Variants in RUNX1T1 observed in about 807,000 individuals in gnomAD.
The protein encoded by RUNX1T1 is protein CBFA2T1.
RUNX1T1 carries 4 observed loss-of-function variants against 62.8 expected under a neutral mutation model. That is an observed-to-expected ratio of 0.06 (90% CI 0.03 to 0.15). RUNX1T1 has a LOEUF of 0.15. Among genes scored for constraint, RUNX1T1 ranks in the 10% least tolerant of loss-of-function variants. RUNX1T1 has a pLI of 1.00. For missense variants in RUNX1T1, 508 were observed against 754.3 expected (o/e 0.67, Z 3.82); for synonymous variants, 291 against 286.0 (o/e 1.02, Z -0.18).
At chr8:92,052,752 G>T (rs1192198601) in intron 1 of RUNX1T1, among the ~76,000 whole-genome samples, 1 of 152,178 alleles carries the variant, frequency 6.6e-6, no homozygotes, top group East Asian at 1.9e-4. Context: ...CAGAGAATTT[G>T]TATTTCCAAC....
chr8:91,967,394 C>T (rs1563619345), intron 10 of RUNX1T1, among the ~76,000 whole-genome samples: 1 of 151,426 alleles, frequency 6.6e-6, no homozygotes, highest in South Asian at 2.1e-4. Flanking sequence ...CGCCCACCTA[C>T]AAATAATATC....
At chr8:92,094,581 C>T (rs993828562) in intron 1 of RUNX1T1, among the ~76,000 whole-genome samples, 3 of 152,112 alleles carry the variant, frequency 2.0e-5, no homozygotes, top group Non-Finnish European at 4.4e-5. Flanking sequence ...CTTACTCATT[C>T]AAGTACCGTC....
intron 1 of RUNX1T1, among the ~76,000 whole-genome samples, chr8:92,048,538 T>C (rs1228224428): frequency 6.6e-6 from 1 of 151,768 alleles, no homozygotes; most frequent in African/African-American, 2.4e-5. Flanking sequence ...TTTAAATATA[T>C]AGTACAACAT....
intron 5 of RUNX1T1, among the ~76,000 whole-genome samples, chr8:92,000,952 TG>T (rs1819639802): frequency 6.6e-6 from 1 of 152,224 alleles, no homozygotes; most frequent in South Asian, 2.1e-4. Flanking sequence ...ATTTCAAGTA[TG>T]CAAATATGCT....
At chr8:92,048,399 C>A (rs189017759) in intron 1 of RUNX1T1, among the ~76,000 whole-genome samples, 1 of 152,042 alleles carries the variant, frequency 6.6e-6, no homozygotes, top group South Asian at 2.1e-4. Flanking sequence ...TTACAACTGG[C>A]GGGGTATGGT....
chr8:91,973,255 T>C (rs557501951), intron 9 of RUNX1T1, among the ~76,000 whole-genome samples: 1 of 151,916 alleles, frequency 6.6e-6, no homozygotes, highest in South Asian at 2.1e-4. Flanking sequence ...TATATATATA[T>C]TTAAGAGAAA....
intron 10 of RUNX1T1, among the ~76,000 whole-genome samples, chr8:91,966,920 A>G (rs952577947): frequency 6.6e-6 from 1 of 152,140 alleles, no homozygotes; most frequent in African/African-American, 2.4e-5. Context: ...CACAATTAGG[A>G]AAAAACAAAC....
chr8:92,062,737 G>C, exon 1 of RUNX1T1: 3 of 1,576,362 alleles, frequency 1.9e-6, no homozygotes, highest in Non-Finnish European at 2.6e-6. Flanking sequence ...ATGGAGAGCT[G>C]ACACTCCGGA....
upstream of RUNX1T1, among the ~76,000 whole-genome samples, chr8:92,067,437 T>G (rs1449735645): frequency 6.6e-6 from 1 of 152,192 alleles, no homozygotes; most frequent in Non-Finnish European, 1.5e-5. Context: ...CACTTTGATT[T>G]TTGCATCTCC....
At chr8:92,063,050 A>AAGG (rs1832327980), upstream of RUNX1T1, 1 of 744,334 alleles carries the variant, frequency 1.3e-6, no homozygotes, top group Admixed American at 5.3e-5. Flanking sequence ...CCTCACAATA[A>AAGG]AAGGCTTCCC....
chr8:92,036,498 T>G (rs1321089245), intron 1 of RUNX1T1, among the ~76,000 whole-genome samples: 1 of 152,202 alleles, frequency 6.6e-6, no homozygotes, highest in Non-Finnish European at 1.5e-5. Flanking sequence ...AGAAGACCAC[T>G]GTGATCGTCA....
chr8:92,084,143 T>C (rs775538939), intron 1 of RUNX1T1, among the ~76,000 whole-genome samples: 33 of 152,068 alleles, frequency 2.2e-4, no homozygotes, highest in Non-Finnish European at 4.7e-4. Flanking sequence ...AAACACCTCA[T>C]GTAGATGACA....
intron 6 of RUNX1T1, 98 bp from the exon 8 acceptor site, chr8:91,987,070 TA>T (rs1816726390): frequency 7.6e-6 from 6 of 787,072 alleles, no homozygotes; most frequent in Middle Eastern, 2.3e-4. Context: ...AAACTCGATG[TA>T]AAAATACGTT....
chr8:92,012,765 A>T (rs777239726), intron 3 of RUNX1T1, among the ~76,000 whole-genome samples: 58 of 151,746 alleles, frequency 3.8e-4, no homozygotes, highest in Non-Finnish European at 7.5e-4. Context: ...AAAAAAAAAA[A>T]ATCACTCTCT....
intron 1 of RUNX1T1, among the ~76,000 whole-genome samples, chr8:92,089,424 C>T (rs1836630788): frequency 6.6e-6 from 1 of 151,990 alleles, no homozygotes; most frequent in African/African-American, 2.4e-5. Flanking sequence ...GATAATGTGC[C>T]CATGTTCAAT....
At chr8:92,082,811 T>G (rs945448024) in intron 1 of RUNX1T1, among the ~76,000 whole-genome samples, 26 of 151,866 alleles carry the variant, frequency 1.7e-4, no homozygotes, top group African/African-American at 5.8e-4. Context: ...GGAAGGAATG[T>G]CGGGGGAAGG....
chr8:92,035,152 G>A (rs1827170338), intron 1 of RUNX1T1, among the ~76,000 whole-genome samples: 1 of 151,940 alleles, frequency 6.6e-6, no homozygotes, highest in African/African-American at 2.4e-5. Flanking sequence ...AAAATTAGCT[G>A]GGTGTGATGG....
intron 3 of RUNX1T1, among the ~76,000 whole-genome samples, chr8:92,011,650 A>G (rs1821950909): frequency 6.6e-6 from 1 of 152,206 alleles, no homozygotes; most frequent in South Asian, 2.1e-4. Context: ...AAAGCCAAAG[A>G]AAAGGTTTGA....
At chr8:92,076,927 G>T (rs1480153410) in intron 1 of RUNX1T1, among the ~76,000 whole-genome samples, 1 of 151,890 alleles carries the variant, frequency 6.6e-6, no homozygotes, top group African/African-American at 2.4e-5. Context: ...TACAAACTAG[G>T]AAATATAAGG....
Sources: allele counts gnomAD v4.1 joint callset (sites outside exome capture counted in the v4.1 genomes callset), GRCh38; gene constraint gnomAD v4.1.1; transcripts MANE v1.5; gene names NCBI Gene and HGNC (gene_info 2026-07-23, HGNC 2026-07-21).